Variants in DRC3 observed in about 807,000 individuals in gnomAD.
DRC3 encodes the protein dynein regulatory complex subunit 3.
In DRC3, 45 loss-of-function variants were observed where a neutral mutation model predicts 57.6. The observed-to-expected ratio is 0.78, with a 90% CI of 0.62 to 1.00. The LOEUF (loss-of-function observed/expected upper bound fraction) is 1.00. Ranked by LOEUF, DRC3 falls within the 50% of genes least tolerant of loss-of-function variation. DRC3 has a pLI of 0.00. For synonymous variants in DRC3, 257 were observed against 272.3 expected, an observed-to-expected ratio of 0.94 and a Z score of 0.55; for missense variants, 655 against 675.2, an observed-to-expected ratio of 0.97 and a Z score of 0.33.
intron 4 of DRC3, among the ~76,000 whole-genome samples, chr17:17,986,798 T>G (rs1404556113): frequency 3.3e-5 from 5 of 152,162 alleles, no homozygotes; most frequent in African/African-American, 9.7e-5. Context: ...ACCCTGTGGT[T>G]ATCATGCTCA....
At chr17:17,998,782 G>A (rs932589296) in intron 9 of DRC3, among the ~76,000 whole-genome samples, 2 of 152,170 alleles carry the variant, frequency 1.3e-5, no homozygotes, top group Non-Finnish European at 2.9e-5. Context: ...GGGAGCAGGG[G>A]TTACTGCATT....
Position 18,006,979 on chromosome 17 carries a change from G to C in DRC3, c.1203-45G>C, listed in dbSNP as rs376652313. On this transcript the variant is annotated intron_variant, in intron 11 of 13. Transcript: ENST00000399187. ...CGCCGTCTGAGAGCATCAGGGACGC[G>C]CCGGGCCTGCTCCTCCCGGGCCTTT... 9.9e-6 allele frequency: 16 copies of C among 1,608,568 alleles called. No homozygotes were observed. In the East Asian group the frequency reaches 3.6e-4, roughly 36 times the overall value.
chr17:18,001,731 G>A (rs2043740480), intron 9 of DRC3, among the ~76,000 whole-genome samples: 1 of 151,932 alleles, frequency 6.6e-6, no homozygotes, highest in Non-Finnish European at 1.5e-5. Flanking sequence ...AGCAGTTTGA[G>A]AGCAGCCTGG....
chr17:17,999,979 CGT>C (rs1281966840), intron 9 of DRC3, among the ~76,000 whole-genome samples: 2 of 150,716 alleles, frequency 1.3e-5, no homozygotes, highest in East Asian at 3.9e-4. Context: ...ACTTTGCTTT[CGT>C]GTGTGTGTGT....
intron 9 of DRC3, among the ~76,000 whole-genome samples, chr17:18,001,075 T>C (rs2043711205): frequency 1.3e-5 from 2 of 151,886 alleles, no homozygotes; most frequent in South Asian, 4.2e-4. Context: ...GTTTCTTTCT[T>C]TTTTTCTTTT....
chr17:17,984,420 T>A (rs2145253814), intron 4 of DRC3, among the ~76,000 whole-genome samples: 1 of 152,162 alleles, frequency 6.6e-6, no homozygotes, highest in Non-Finnish European at 1.5e-5. Flanking sequence ...AGCATCCCCG[T>A]CATAGAGATG....
At chr17:18,000,050 A>G (rs935582990) in intron 9 of DRC3, among the ~76,000 whole-genome samples, 6 of 143,824 alleles carry the variant, frequency 4.2e-5, no homozygotes, top group Admixed American at 4.2e-4. Context: ...GTGTATGCAT[A>G]GCATGCCCTG....
intron 2 of DRC3, among the ~76,000 whole-genome samples, chr17:17,975,898 A>G (rs977460101): frequency 6.6e-6 from 1 of 152,162 alleles, no homozygotes; most frequent in African/African-American, 2.4e-5. Context: ...AGGGCAGAGG[A>G]TGCATATTTG....
chr17:17,982,179 G>A (rs532644663), intron 3 of DRC3, among the ~76,000 whole-genome samples: 1 of 151,320 alleles, frequency 6.6e-6, no homozygotes, highest in Non-Finnish European at 1.5e-5. Flanking sequence ...TTTTAGTAGA[G>A]ACAGGGTTTC....
At chr17:17,977,225 G>C (rs1387954458) in intron 2 of DRC3, among the ~76,000 whole-genome samples, 1 of 152,196 alleles carries the variant, frequency 6.6e-6, no homozygotes, top group African/African-American at 2.4e-5. Flanking sequence ...GCCCAAGTGA[G>C]GATGGGCATA....
chr17:17,981,486 C>A, intron 3 of DRC3: 1 of 156,440 alleles, frequency 6.4e-6, no homozygotes, highest in South Asian at 1.8e-4. Flanking sequence ...ACGCTGTAGC[C>A]ATGCAAGCTG....
chr17:17,973,178 TA>T (rs760795691), intron 1 of DRC3: 7,718 of 126,886 alleles, frequency 0.061, 486 homozygotes, highest in African/African-American at 0.17. Flanking sequence ...AGCTTTTGAA[TA>T]AAAAAAAAAA....
chr17:18,009,601 G>A (rs961650973), intron 12 of DRC3, among the ~76,000 whole-genome samples: 3 of 152,224 alleles, frequency 2.0e-5, no homozygotes, highest in South Asian at 2.1e-4. Context: ...CCTGCCCAAG[G>A]ACACACAGCT....
intron 11 of DRC3, chr17:18,006,462 T>C: frequency 1.7e-6 from 1 of 587,740 alleles, no homozygotes; most frequent in Non-Finnish European, 3.0e-6. Context: ...ATTGTTCTCA[T>C]ATGAGTGATG....
At chr17:18,012,769 TATGA>T (rs772631545) in intron 12 of DRC3, among the ~76,000 whole-genome samples, 3 of 151,720 alleles carry the variant, frequency 2.0e-5, no homozygotes, top group Non-Finnish European at 4.4e-5. Flanking sequence ...GAAAAAATTT[TATGA>T]ATAAGACCTC....
intron 10 of DRC3, chr17:18,004,804 C>T (rs186234562): frequency 2.5e-5 from 7 of 282,624 alleles, no homozygotes; most frequent in Admixed American, 1.9e-4. Context: ...AAAGGCAAAG[C>T]GCACCCCCAC....
In DRC3 at chr17:17,977,619, G is replaced by A. The variant is rs367593570; in HGVS notation, c.21G>A (p.Ser7=). 14 of 1,613,868 alleles carry A rather than the reference G, an allele frequency of 8.7e-6. No individual in the cohort carries two copies. Among genetic ancestry groups the A allele is most frequent in the Admixed American group, 3.3e-5 (2 of 60,002 alleles). Reference sequence around the variant, plus strand: ...GGAAGATGAACCAGCCGTGCAACTCGATGGAGCCGAGGGTGATGGACGATG... The same window carrying A: ...GGAAGATGAACCAGCCGTGCAACTCAATGGAGCCGAGGGTGATGGACGATG... MNQPCN[S]MEPRVMDDDM... The change falls in exon 3 of 14, where the codon TCG becomes TCA. Residue 7 remains serine, a synonymous_variant. Transcript: ENST00000399187.
At chr17:17,980,357 C>T (rs559941860) in intron 3 of DRC3, among the ~76,000 whole-genome samples, 38 of 151,218 alleles carry the variant, frequency 2.5e-4, no homozygotes, top group Admixed American at 1.6e-3. Context: ...TGCAGTAGTG[C>T]GATCTCAGCT....
At chr17:18,003,004 C>G (rs891773542) in intron 9 of DRC3, among the ~76,000 whole-genome samples, 4 of 152,088 alleles carry the variant, frequency 2.6e-5, no homozygotes, top group Non-Finnish European at 5.9e-5. Flanking sequence ...GCTCAAGAAG[C>G]CGTTAGGGCC....
Sources: allele counts gnomAD v4.1 joint callset (sites outside exome capture counted in the v4.1 genomes callset), GRCh38; gene constraint gnomAD v4.1.1; transcripts MANE v1.5; gene names NCBI Gene and HGNC (gene_info 2026-07-23, HGNC 2026-07-21).